The following CMIP variants were observed in gnomAD, a reference collection of about 807,000 sequenced individuals.
The protein encoded by CMIP is C-Maf-inducing protein.
Under a neutral mutation model 97.3 loss-of-function variants are expected in CMIP, and 13 were observed. The ratio of observed to expected loss-of-function variants is 0.13; its 90% CI spans 0.09 to 0.21. CMIP has a LOEUF of 0.21. CMIP is among the 10% of genes least tolerant of loss of function. The pLI is 1.00. For missense variants in CMIP, 847 were observed against 1,024.9 expected (o/e 0.83, Z 2.37); for synonymous variants, 538 against 436.3 (o/e 1.23, Z -2.91).
chr16:81,646,389 C>T (rs572472512), intron 3 of CMIP, among the ~76,000 whole-genome samples: 21 of 152,120 alleles, frequency 1.4e-4, no homozygotes, highest in African/African-American at 5.1e-4. Context: ...GGAGTCTGCT[C>T]GTGAAGCCTA....
intron 11 of CMIP, 108 bp from the exon 12 acceptor site, chr16:81,693,050 T>G: frequency 2.5e-6 from 2 of 787,942 alleles, no homozygotes; most frequent in South Asian, 3.3e-5. Context: ...CTCTTCATTC[T>G]TTGAATCAGA....
At chr16:81,499,317 C>A (rs1194824243) in intron 1 of CMIP, among the ~76,000 whole-genome samples, 1 of 152,208 alleles carries the variant, frequency 6.6e-6, no homozygotes, top group African/African-American at 2.4e-5. Flanking sequence ...ACTCGGCACA[C>A]ATACTTGTCT....
intron 1 of CMIP, among the ~76,000 whole-genome samples, chr16:81,531,903 T>C (rs1261347568): frequency 1.3e-5 from 2 of 152,260 alleles, no homozygotes; most frequent in African/African-American, 4.8e-5. Context: ...TATTTAGAAA[T>C]GGCTCATAAA....
chr16:81,612,952 A>G (rs2150949971), intron 2 of CMIP, among the ~76,000 whole-genome samples: 1 of 152,302 alleles, frequency 6.6e-6, no homozygotes, highest in Middle Eastern at 3.4e-3. Context: ...CCAGCAGGAC[A>G]GTATGGGGAC....
At chr16:81,447,055 C>T (rs1025654376) in intron 1 of CMIP, among the ~76,000 whole-genome samples, 6 of 152,182 alleles carry the variant, frequency 3.9e-5, no homozygotes, top group East Asian at 3.9e-4. Context: ...CGTCCCGCGC[C>T]ACAGGCCGCA....
intron 1 of CMIP, among the ~76,000 whole-genome samples, chr16:81,596,238 G>A (rs1398732491): frequency 6.6e-6 from 1 of 152,110 alleles, no homozygotes; most frequent in African/African-American, 2.4e-5. Context: ...AGGCATGGTG[G>A]CTCACGCCTG....
At chr16:81,626,788 AGTGT>A (rs1035341441) in intron 3 of CMIP, among the ~76,000 whole-genome samples, 78 of 63,160 alleles carry the variant, frequency 1.2e-3, no homozygotes, top group South Asian at 4.2e-3. Context: ...AGAGAGAGAG[AGTGT>A]GTGTGTGTGT....
chr16:81,524,881 C>T (rs1282293288), intron 1 of CMIP, among the ~76,000 whole-genome samples: 1 of 151,070 alleles, frequency 6.6e-6, no homozygotes, highest in Non-Finnish European at 1.5e-5. Flanking sequence ...GCAACCTCCA[C>T]CTCCCAGGTT....
At chr16:81,695,924 G>T (rs1315877870) in intron 13 of CMIP, 1 of 153,982 alleles carries the variant, frequency 6.5e-6, no homozygotes, top group East Asian at 1.9e-4. Flanking sequence ...GGGGGAGAGA[G>T]AGAGAGAGAG....
At position 81,652,965 on chromosome 16, in the gene CMIP, A is replaced by G. The variant is rs533386031; in HGVS notation, c.639+601A>G. On this transcript the variant is annotated intron_variant, in intron 4 of 20. Coordinates refer to ENST00000537098, the MANE Select transcript of CMIP (RefSeq NM_198390.3). The surrounding 1 kb of genome is among the most constrained non-coding windows in gnomAD (Gnocchi z 5.2). ...GAATTCAAGCAAAGACAAGCCCCCT[A>G]CCCCCCTGGAGCTTGTGTCCCGGCA... Among the ~76,000 whole-genome samples, 3 of 151,558 alleles carry G rather than the reference A, an allele frequency of 2.0e-5. No individual in the cohort carries two copies. Among genetic ancestry groups the G allele is most frequent in the Non-Finnish European group, 4.4e-5 (3 of 67,896 alleles).
intron 1 of CMIP, among the ~76,000 whole-genome samples, chr16:81,474,325 C>G (rs959608194): frequency 2.0e-5 from 3 of 152,094 alleles, no homozygotes; most frequent in African/African-American, 7.2e-5. Flanking sequence ...CCATTCTTCT[C>G]TTTCCCCCTT....
At chr16:81,639,695 G>A (rs1332651305) in intron 3 of CMIP, among the ~76,000 whole-genome samples, 2 of 152,162 alleles carry the variant, frequency 1.3e-5, no homozygotes, top group Middle Eastern at 3.2e-3. Context: ...TACGAATGAC[G>A]CTGCTGTGAA....
chr16:81,672,964 A>G lies in CMIP; in HGVS notation c.1034+894A>G, dbSNP rs147591038. 5.7e-3 allele frequency among the ~76,000 whole-genome samples: 865 copies of G among 152,302 alleles called. 5 individuals are homozygous for G. Among genetic ancestry groups the G allele is most frequent in the Admixed American group, 8.4e-3 (128 of 15,294 alleles). Reference sequence around the variant, plus strand: ...AATTCCCTGCTCTCTTGGGGCTTCCATTCTACCAGGAAGAGATCATGTACA... The same window carrying G: ...AATTCCCTGCTCTCTTGGGGCTTCCGTTCTACCAGGAAGAGATCATGTACA... On this transcript the variant is annotated intron_variant, in intron 9 of 20. Transcript: ENST00000537098.
rs527801493 is a variant in CMIP, at chr16:81,507,019, G to A, written c.300+61478G>A. ...TGTAATCCTAACACTTTGGGAGGCCGAGGTAGGTGGATCACGAGGTCAGGA... is the reference window on the plus strand; with the variant it reads ...TGTAATCCTAACACTTTGGGAGGCCAAGGTAGGTGGATCACGAGGTCAGGA... On this transcript the variant is annotated intron_variant, in intron 1 of 20. Transcript: ENST00000537098. Among the ~76,000 whole-genome samples, 4 of 151,976 alleles carry A rather than the reference G, an allele frequency of 2.6e-5. No individual in the cohort carries two copies. In the South Asian group the frequency reaches 8.3e-4, roughly 32 times the overall value.
intron 3 of CMIP, among the ~76,000 whole-genome samples, chr16:81,628,244 A>G (rs964414030): frequency 1.3e-5 from 2 of 152,242 alleles, no homozygotes; most frequent in East Asian, 1.9e-4. Context: ...TCCCTGGGGA[A>G]GAGCCACTCC....
At chr16:81,504,961 C>T (rs1438731857) in intron 1 of CMIP, among the ~76,000 whole-genome samples, 1 of 152,244 alleles carries the variant, frequency 6.6e-6, no homozygotes, top group Non-Finnish European at 1.5e-5. Context: ...GCTTTAGACC[C>T]TGCTCTTTTG....
intron 1 of CMIP, chr16:81,476,568 A>G (rs539307649): frequency 1.8e-5 from 10 of 552,812 alleles, no homozygotes; most frequent in Non-Finnish European, 2.7e-5. Context: ...CAGAGTGGCC[A>G]TGTTTCCTAG....
intron 1 of CMIP, among the ~76,000 whole-genome samples, chr16:81,567,249 CTCTCAGGGCAG>C (rs1300479849): frequency 1.3e-5 from 2 of 152,262 alleles, no homozygotes; most frequent in African/African-American, 2.4e-5. Flanking sequence ...GCTTGTGCTG[CTCTCAGGGCAG>C]CTGCAGACTT....
At chr16:81,510,759 G>T (rs540474970) in intron 1 of CMIP, among the ~76,000 whole-genome samples, 1 of 151,704 alleles carries the variant, frequency 6.6e-6, no homozygotes. Context: ...TTGTTCTGTC[G>T]CCCAGGCTGG....
Sources: allele counts gnomAD v4.1 joint callset (sites outside exome capture counted in the v4.1 genomes callset), GRCh38; gene constraint gnomAD v4.1.1; non-coding constraint Gnocchi (gnomAD v3.1); transcripts MANE v1.5; gene names NCBI Gene and HGNC (gene_info 2026-07-23, HGNC 2026-07-21).